The following CDK14 variants were observed in gnomAD, a reference collection of about 807,000 sequenced individuals.
CDK14 encodes the protein cyclin-dependent kinase 14.
In CDK14, 34 loss-of-function variants were observed where a neutral mutation model predicts 60.7. The observed-to-expected ratio is 0.56, with a 90% CI of 0.43 to 0.75. CDK14 has a LOEUF of 0.75. Among genes scored for constraint, CDK14 ranks in the 30% least tolerant of loss-of-function variants. The pLI is 0.00. For synonymous variants in CDK14, 197 were observed against 203.7 expected, an observed-to-expected ratio of 0.97 and a Z score of 0.28; for missense variants, 482 against 564.1, an observed-to-expected ratio of 0.85 and a Z score of 1.47.
At chr7:90,798,621 G>GT (rs769423232) in intron 5 of CDK14, among the ~76,000 whole-genome samples, 7 of 152,172 alleles carry the variant, frequency 4.6e-5, no homozygotes, top group African/African-American at 4.8e-5. Context: ...AAAGTAGTTT[G>GT]TAAGTGGCTA....
intron 14 of CDK14, among the ~76,000 whole-genome samples, chr7:91,126,393 A>T (rs1799946241): frequency 6.6e-6 from 1 of 152,100 alleles, no homozygotes; most frequent in Admixed American, 6.5e-5. Flanking sequence ...ACACCCCTAA[A>T]TGTTGGTAAC....
chr7:90,733,878 T>A (rs1802975549), intron 3 of CDK14, among the ~76,000 whole-genome samples: 1 of 152,226 alleles, frequency 6.6e-6, no homozygotes, highest in African/African-American at 2.4e-5. Context: ...TTTTGCCCAT[T>A]AGTTGATGCA....
chr7:90,935,023 G>A (rs1793706957), intron 8 of CDK14, among the ~76,000 whole-genome samples: 1 of 152,190 alleles, frequency 6.6e-6, no homozygotes, highest in Admixed American at 6.5e-5. Context: ...TCAATCCCCT[G>A]GAAGCTGACA....
intron 8 of CDK14, among the ~76,000 whole-genome samples, chr7:90,933,850 GT>G (rs1793671951): frequency 6.6e-6 from 1 of 152,238 alleles, no homozygotes; most frequent in Admixed American, 6.5e-5. Context: ...AAATGTTGAT[GT>G]TCATGTGGAC....
intron 5 of CDK14, among the ~76,000 whole-genome samples, chr7:90,805,513 C>T (rs1788790875): frequency 6.6e-6 from 1 of 151,902 alleles, no homozygotes; most frequent in Non-Finnish European, 1.5e-5. Context: ...AATACAATAC[C>T]ACTTATAATC....
At chr7:90,640,825 A>G (rs546344482) in intron 2 of CDK14, among the ~76,000 whole-genome samples, 34 of 152,236 alleles carry the variant, frequency 2.2e-4, no homozygotes, top group Middle Eastern at 6.8e-3. Flanking sequence ...ATCCAGAGAA[A>G]TAAAAATTTT....
intron 14 of CDK14, among the ~76,000 whole-genome samples, chr7:91,187,683 G>A (rs1346682479): frequency 6.6e-6 from 1 of 152,192 alleles, no homozygotes; most frequent in Non-Finnish European, 1.5e-5. Context: ...CCCCTTGCCA[G>A]AGAGAGATGG....
At chr7:91,185,365 T>G (rs1802140008) in intron 14 of CDK14, among the ~76,000 whole-genome samples, 1 of 146,204 alleles carries the variant, frequency 6.8e-6, no homozygotes, top group African/African-American at 2.5e-5. Context: ...TTTTTAAAAC[T>G]TTGTTTAAAA....
At chr7:91,049,762 A>G (rs916285563) in intron 11 of CDK14, among the ~76,000 whole-genome samples, 5 of 152,206 alleles carry the variant, frequency 3.3e-5, no homozygotes, top group South Asian at 2.1e-4. Context: ...TATTTCAGCA[A>G]TATTTCCTGA....
At position 90,639,371 on chromosome 7, in the gene CDK14, G is replaced by T. The variant is rs563187066; in HGVS notation, c.123+35122G>T. ...AGACAGGACCCTCAGCTGCAGGTCT[G>T]TTGGAGTTTGCTAGAGGTCCACTCC... On this transcript the variant is annotated intron_variant, in intron 2 of 14. Coordinates refer to ENST00000380050, the MANE Select transcript of CDK14 (RefSeq NM_001287135.2). 8.6e-3 allele frequency among the ~76,000 whole-genome samples: 1,302 copies of T among 152,176 alleles called. 23 individuals carry two copies. Among genetic ancestry groups the T allele is most frequent in the African/African-American group, 0.03 (1,255 of 41,524 alleles).
intron 5 of CDK14, among the ~76,000 whole-genome samples, chr7:90,845,874 C>A (rs913919029): frequency 5.5e-4 from 84 of 152,098 alleles, no homozygotes; most frequent in Non-Finnish European, 1.2e-4. Flanking sequence ...CTCTTAAGCT[C>A]TCCTAGAATA....
chr7:90,726,657 A>G lies in CDK14; in HGVS notation c.214A>G (p.Arg72Gly), dbSNP rs758095992. 24 of 1,613,902 alleles carry G rather than the reference A, an allele frequency of 1.5e-5. No individual in the cohort carries two copies. In the East Asian group the frequency reaches 3.3e-4, roughly 22 times the overall value. Residue 72 changes from arginine to glycine, a missense_variant, in exon 3 of 15, where the codon AGA (arginine) becomes GGA (glycine). Physicochemically the swap from Arg to Gly is moderately radical, Grantham distance 125 (BLOSUM62 -2). Transcript: ENST00000380050. ...LDTIPEDKKV[R>G]VQRTQSTFDP... ...CACAATTCCTGAGGATAAAAAAGTC[A>G]GAGTTCAGAGGACACAGAGCACTTT...
intron 5 of CDK14, among the ~76,000 whole-genome samples, chr7:90,805,100 G>A (rs1004651175): frequency 6.6e-6 from 1 of 151,914 alleles, no homozygotes; most frequent in African/African-American, 2.4e-5. Flanking sequence ...TTTAAATTGA[G>A]GTGTTTGTTC....
At chr7:91,182,823 A>G (rs1052876593) in intron 14 of CDK14, among the ~76,000 whole-genome samples, 3 of 152,198 alleles carry the variant, frequency 2.0e-5, no homozygotes, top group Non-Finnish European at 2.9e-5. Context: ...TAGAAAACCT[A>G]ATTTTCCAAC....
At chr7:90,627,682 G>T (rs1273044260) in intron 2 of CDK14, among the ~76,000 whole-genome samples, 1 of 152,148 alleles carries the variant, frequency 6.6e-6, no homozygotes, top group Non-Finnish European at 1.5e-5. Context: ...AAAACTAATT[G>T]TGGGATTAAT....
At chr7:90,625,287 C>A (rs1799854005) in intron 2 of CDK14, among the ~76,000 whole-genome samples, 1 of 152,150 alleles carries the variant, frequency 6.6e-6, no homozygotes, top group East Asian at 1.9e-4. Context: ...CCGAAGTGAG[C>A]TGCAATGGCT....
At chr7:90,877,534 C>T (rs4728943) in intron 6 of CDK14, among the ~76,000 whole-genome samples, 150,573 of 152,254 alleles carry the variant, frequency 0.99, 74,474 homozygotes, top group East Asian at 1. Context: ...ATCTCAATTA[C>T]TAGTTTTTCT....
intron 10 of CDK14, among the ~76,000 whole-genome samples, chr7:90,987,183 TA>T (rs1795396521): frequency 6.6e-6 from 1 of 152,022 alleles, no homozygotes; most frequent in African/African-American, 2.4e-5. Flanking sequence ...TTTTTGCTAT[TA>T]TTTTTTAATT....
intron 8 of CDK14, among the ~76,000 whole-genome samples, chr7:90,927,586 CATATATAA>C (rs1479757483): frequency 6.6e-6 from 1 of 152,126 alleles, no homozygotes; most frequent in African/African-American, 2.4e-5. Context: ...TACTAAAGTA[CATATATAA>C]ATATAAATAT....
Sources: allele counts gnomAD v4.1 joint callset (sites outside exome capture counted in the v4.1 genomes callset), GRCh38; gene constraint gnomAD v4.1.1; transcripts MANE v1.5; gene names NCBI Gene and HGNC (gene_info 2026-07-23, HGNC 2026-07-21).